The following SCN7A variants were observed in gnomAD, a reference collection of about 807,000 sequenced individuals.
SCN7A encodes the protein sodium channel protein type 7 subunit alpha.
SCN7A carries 138 observed loss-of-function variants against 155.2 expected under a neutral mutation model. The observed-to-expected ratio is 0.89, with a 90% confidence interval of 0.77 to 1.02. SCN7A has a LOEUF of 1.02. SCN7A is among the 50% of genes least tolerant of loss of function. The pLI is 0.00. For synonymous variants in SCN7A, 693 were observed against 649.0 expected (o/e 1.07, Z -1.03); for missense variants, 2,058 against 1,986.6 (o/e 1.04, Z -0.68).
At chr2:166,423,927 C>A (rs2105395478) in intron 18 of SCN7A, among the ~76,000 whole-genome samples, 1 of 152,198 alleles carries the variant, frequency 6.6e-6, no homozygotes, top group African/African-American at 2.4e-5. Flanking sequence ...AAAACTATAA[C>A]TGTTTCTCCA....
intron 18 of SCN7A, among the ~76,000 whole-genome samples, chr2:166,424,181 C>A (rs1701572257): frequency 6.6e-6 from 1 of 151,982 alleles, no homozygotes; most frequent in Admixed American, 6.6e-5. Flanking sequence ...GATTTTATGA[C>A]TTTTAATTGA....
chr2:166,406,224 G>T lies in SCN7A; in HGVS notation c.4405C>A (p.Pro1469Thr), dbSNP rs1255714899. The change falls in exon 26 of 26, where the codon CCC becomes ACC. Residue 1469 changes from proline (P) to threonine (T), a missense_variant. By Grantham distance (38) the Pro-to-Thr change is conservative. Transcript: ENST00000643258. Reference sequence around the variant, plus strand: ...ACAAAATAAAAAATCCCAACAGAGGGGTTCCCACAATCTCCTCTAACTTGA... The same window carrying T: ...ACAAAATAAAAAATCCCAACAGAGGTGTTCCCACAATCTCCTCTAACTTGA... ...GTQVRGDCGN[P>T]SVGIFYFVSY... 6.2e-7 allele frequency: 1 copy of T among 1,613,024 alleles called. No individual in the cohort carries two copies. Among genetic ancestry groups the T allele is most frequent in the South Asian group, 1.1e-5 (1 of 91,054 alleles).
intron 21 of SCN7A, 113 bp from the exon 22 acceptor site, chr2:166,413,234 T>C: frequency 1.9e-6 from 1 of 533,858 alleles, no homozygotes; most frequent in Non-Finnish European, 3.3e-6. Context: ...CACTTCCATA[T>C]ACTGTGTAAT....
chr2:166,441,443 A>G lies in SCN7A; in HGVS notation c.2110T>C (p.Trp704Arg). The change falls in exon 15 of 26, where the codon TGG becomes CGG. Residue 704 changes from tryptophan to arginine, a missense_variant. Coordinates refer to ENST00000643258, the MANE Select transcript of SCN7A (RefSeq NM_002976.4). ...WDCMEVAGQS[W>R]CIPFYLMVIL... ...ACCATCAGGTAAAAAGGAATACACC[A>G]GGATTGGCCTGCAACCTCCATACAG... The G allele has an allele frequency of 6.2e-7, 1 of 1,611,914 alleles. No individual in the cohort carries two copies. The highest frequency in any genetic ancestry group is 1.3e-5 in the African/African-American group (1 of 75,004).
At chr2:166,464,961 C>T (rs573444927) in intron 9 of SCN7A, among the ~76,000 whole-genome samples, 9 of 152,248 alleles carry the variant, frequency 5.9e-5, no homozygotes, top group Middle Eastern at 6.8e-3. Flanking sequence ...TTCCACATTG[C>T]ATACTTCTGC....
chr2:166,417,665 C>A (rs183346426), intron 20 of SCN7A, among the ~76,000 whole-genome samples: 36 of 150,698 alleles, frequency 2.4e-4, no homozygotes, highest in African/African-American at 8.5e-4. Context: ...GATAACTGAA[C>A]CCATGTGTAT....
intron 16 of SCN7A, among the ~76,000 whole-genome samples, chr2:166,429,888 T>C (rs1045061744): frequency 6.6e-6 from 1 of 152,084 alleles, no homozygotes; most frequent in Non-Finnish European, 1.5e-5. Context: ...TGCTTTTGAC[T>C]GAAGTTCAAG....
chr2:166,443,593 G>A lies in SCN7A; in HGVS notation c.1710C>T (p.Asn570=), dbSNP rs1702003573. Residue 570 remains asparagine (N), a synonymous_variant, in exon 14 of 26, where the codon AAC becomes AAT. Transcript: ENST00000643258. ...GGAACACTATCATGCTATCAAAAAT[G>A]TTCCAACCTACTTGGAAATACCCAT... The part of the protein sequence containing the change: ...HPYGYFQVGW[N]IFDSMIVFHG... 1.9e-6 allele frequency: 3 copies of A among 1,583,082 alleles called. No homozygotes were observed. Among genetic ancestry groups the A allele is most frequent in the East Asian group, 2.3e-5 (1 of 43,826 alleles).
rs78995867 is a variant in SCN7A, at chr2:166,424,086, A to C, written c.2854-654T>G. On this transcript the variant is annotated intron_variant, in intron 18 of 25. Coordinates refer to ENST00000643258, the MANE Select transcript of SCN7A (RefSeq NM_002976.4). ...AATATACATAAGAGGACAAAAAGCAAGCAAGGATTAAAATAATCTCATATA... is the reference window on the plus strand; with the variant it reads ...AATATACATAAGAGGACAAAAAGCACGCAAGGATTAAAATAATCTCATATA... Among the ~76,000 whole-genome samples the C allele has an allele frequency of 3.9e-3, 594 of 152,246 alleles. 3 individuals are homozygous for C. Among genetic ancestry groups the C allele is most frequent in the African/African-American group, 0.014 (577 of 41,566 alleles).
In SCN7A at chr2:166,416,973, C is replaced by G. The variant is rs1255159640; in HGVS notation, c.3148G>C (p.Ala1050Pro). The G allele has an allele frequency of 1.9e-6, 3 of 1,597,084 alleles. No individual in the cohort carries two copies. The highest frequency in any genetic ancestry group is 2.6e-6 in the Non-Finnish European group (3 of 1,170,958). Residue 1050 changes from alanine (A) to proline (P), a missense_variant, in exon 21 of 26, where the codon GCT becomes CCT. Physicochemically the swap from Ala to Pro is conservative, Grantham distance 27. Transcript: ENST00000643258. ...QFERMKVVVR[A>P]LIKTTLPTLN... ...GTGGGTAAGGTTGTTTTGATCAAAGCTCTCACAACCACCTGGTATATATAA... is the reference window on the plus strand; with the variant it reads ...GTGGGTAAGGTTGTTTTGATCAAAGGTCTCACAACCACCTGGTATATATAA...
chr2:166,474,185 T>A lies in SCN7A; in HGVS notation c.353+41A>T, dbSNP rs756677308. 4 of 919,822 alleles carry A rather than the reference T, an allele frequency of 4.3e-6. No individual in the cohort carries two copies. The South Asian group carries it at 7.9e-5, about 18-fold the overall frequency. 57.0% of individuals were successfully genotyped at this position (919,822 alleles called of 1,614,324 possible). On this transcript the variant is annotated intron_variant, in intron 4 of 25. Transcript: ENST00000643258. ...AATAATAGTATAGTTGCAGTTAATG[T>A]CAGCACAGTTTAAAGTCAACAAGTC...
Position 166,406,091 on chromosome 2 carries a change from T to A in SCN7A, c.4538A>T (p.Asp1513Val). Residue 1513 changes from aspartate to valine, a missense_variant, in exon 26 of 26, where the codon GAT (aspartate) becomes GTT (valine). Transcript: ENST00000643258. ...SKKKNKTLSE[D>V]DFRKFFQVWK... ...TACCTGAAAGAATTTCCTAAAATCATCTTCACTCAAGGTCTTGTTTTTCTT... is the reference window on the plus strand; with the variant it reads ...TACCTGAAAGAATTTCCTAAAATCAACTTCACTCAAGGTCTTGTTTTTCTT... 6.2e-7 allele frequency: 1 copy of A among 1,612,420 alleles called. No homozygotes were observed. Among genetic ancestry groups the A allele is most frequent in the Non-Finnish European group, 8.5e-7 (1 of 1,179,080 alleles).
At position 166,421,468 on chromosome 2, in the gene SCN7A, T is replaced by C. The variant is rs566203162; in HGVS notation, c.3028-171A>G. 5.3e-5 allele frequency among the ~76,000 whole-genome samples: 8 copies of C among 152,134 alleles called. No homozygotes were observed. The South Asian group carries it at 8.3e-4, about 16-fold the overall frequency. ...ATACATTAATAATCACAGAAAGTTA[T>C]AAGAAAATTATTGAGTGTTAAAATC... is the stretch of plus-strand genomic sequence containing the variant. On this transcript the variant is annotated intron_variant, in intron 19 of 25. Coordinates refer to ENST00000643258, the MANE Select transcript of SCN7A (RefSeq NM_002976.4).
chr2:166,487,283 G>T (rs1291489870), intron 1 of SCN7A, among the ~76,000 whole-genome samples: 1 of 152,132 alleles, frequency 6.6e-6, no homozygotes, highest in Admixed American at 6.5e-5. Flanking sequence ...TCTCTAGAGA[G>T]CCCAGTTCCC....
chr2:166,457,020 C>CA lies in SCN7A; in HGVS notation c.1139dup (p.Leu380PhefsTer19). 3 of 1,610,206 alleles carry CA rather than the reference C, an allele frequency of 1.9e-6. No homozygotes were observed. The highest frequency in any genetic ancestry group is 1.7e-4 in the Middle Eastern group (1 of 6,040). Reference sequence around the variant, plus strand: ...ACAAACTTGCCATATAAAAGGAAAACAAAAAACTTACCACCACAAAAAATA... The same window carrying CA: ...ACAAACTTGCCATATAAAAGGAAAACAAAAAAACTTACCACCACAAAAAATA... On this transcript the variant is annotated frameshift_variant, in exon 11 of 26. Transcript: ENST00000643258. LOFTEE classifies it high-confidence loss of function.
chr2:166,433,946 T>G (rs1223251687), intron 15 of SCN7A, among the ~76,000 whole-genome samples: 1 of 152,176 alleles, frequency 6.6e-6, no homozygotes, highest in African/African-American at 2.4e-5. Context: ...CTTAGAAGTA[T>G]GATCAAGTAC....
intron 18 of SCN7A, among the ~76,000 whole-genome samples, chr2:166,424,362 A>G (rs550646079): frequency 6.6e-6 from 1 of 152,236 alleles, no homozygotes; most frequent in Non-Finnish European, 1.5e-5. Flanking sequence ...TACCAGACCA[A>G]TGATCCTGCT....
Position 166,403,873 on chromosome 2 carries a change from G to C in SCN7A, c.*1707C>G, listed in dbSNP as rs1415048008. The C allele has an allele frequency of 6.6e-6, 1 of 151,668 alleles. No homozygotes were observed. The highest frequency in any genetic ancestry group is 1.5e-5 in the Non-Finnish European group (1 of 67,900). The allele number at this position is 151,668 out of a possible 1,614,324, so 9.4% of individuals were successfully genotyped here. A position where few individuals can be genotyped will look rare whatever the true frequency, so the allele number is the denominator to read the frequency against. The stretch of plus-strand genomic sequence containing the variant: ...GTCACATTGTCACCAAGTTAACACT[G>C]GTTCCTCACTGGTCTCCATAACATG... On this transcript the variant is annotated 3_prime_UTR_variant, in exon 26 of 26. Transcript: ENST00000643258.
intron 10 of SCN7A, among the ~76,000 whole-genome samples, chr2:166,458,947 T>C (rs530862736): frequency 6.6e-6 from 1 of 152,330 alleles, no homozygotes; most frequent in African/African-American, 2.4e-5. Context: ...AATCTAGAGA[T>C]AATTTAACTT....
Sources: gnomAD v4.1 joint callset for allele counts (sites outside exome capture counted in the v4.1 genomes callset) on GRCh38, gnomAD v4.1.1 for gene constraint, MANE v1.5 for transcripts, NCBI Gene and HGNC (gene_info 2026-07-23, HGNC 2026-07-21) for gene names.